PREX2: variants seen among roughly 807,000 people sequenced by gnomAD.
The protein encoded by PREX2 is phosphatidylinositol-3,4,5-trisphosphate dependent Rac exchange factor 2, also known as phosphatidylinositol 3,4,5-trisphosphate-dependent Rac exchanger 2 protein.
In PREX2, 107 loss-of-function variants were observed where a neutral mutation model predicts 203.2. That is an observed-to-expected ratio of 0.53 (90% CI 0.45 to 0.62). PREX2 has a LOEUF of 0.62. Among genes scored for constraint, PREX2 ranks in the 20% least tolerant of loss-of-function variants. PREX2 has a pLI of 0.00. For missense variants in PREX2, 1,777 were observed against 1,955.9 expected (o/e 0.91, Z 1.72); for synonymous variants, 672 against 663.6 (o/e 1.01, Z -0.19).
intron 11 of PREX2, among the ~76,000 whole-genome samples, chr8:68,063,451 T>C (rs1434766450): frequency 6.6e-6 from 1 of 152,058 alleles, no homozygotes; most frequent in African/African-American, 2.4e-5. Context: ...GAGCCATGCA[T>C]TAAGGATGGC....
chr8:68,232,538 G>A lies in PREX2; in HGVS notation c.*1160G>A, dbSNP rs545639202. ...CATAATTTTCAAACAAAACACTCAT[G>A]ATTGTGATAATTATATGGGTTTACA... On this transcript the variant is annotated 3_prime_UTR_variant, in exon 40 of 40. Transcript: ENST00000288368. The A allele has an allele frequency of 3.4e-4, 52 of 152,232 alleles. No individual in the cohort carries two copies. The highest frequency in any genetic ancestry group is 6.8e-3 in the Middle Eastern group (2 of 294). The allele number at this position is 152,232 out of a possible 1,614,324, so 9.4% of individuals were successfully genotyped here.
At chr8:68,195,777 C>T (rs1812382433) in intron 37 of PREX2, among the ~76,000 whole-genome samples, 1 of 152,146 alleles carries the variant, frequency 6.6e-6, no homozygotes, top group African/African-American at 2.4e-5. Flanking sequence ...AAAAAGTCAA[C>T]AATGTGGTAT....
rs184330434 is a variant in PREX2 at position 68,021,846 on chromosome 8, T to C, written c.337-190T>C. Among the ~76,000 whole-genome samples the C allele has an allele frequency of 9.8e-5, 15 of 152,332 alleles. No individual in the cohort carries two copies. In the East Asian group the frequency reaches 2.5e-3, roughly 25 times the overall value. On this transcript the variant is annotated intron_variant, in intron 3 of 39. Coordinates refer to ENST00000288368, the MANE Select transcript of PREX2 (RefSeq NM_024870.4). ...CACAATGGAGTATAACTGATATACGTCTATCTCCCTTTTTAGGCTGTTCTT... is the reference window on the plus strand; with the variant it reads ...CACAATGGAGTATAACTGATATACGCCTATCTCCCTTTTTAGGCTGTTCTT...
chr8:68,162,193 A>G (rs1403981990), intron 35 of PREX2, among the ~76,000 whole-genome samples: 1 of 152,104 alleles, frequency 6.6e-6, no homozygotes, highest in African/African-American at 2.4e-5. Context: ...GTTTTAACCT[A>G]GTCACTAATT....
At chr8:68,226,202 A>G (rs1813053686) in intron 39 of PREX2, among the ~76,000 whole-genome samples, 1 of 152,198 alleles carries the variant, frequency 6.6e-6, no homozygotes, top group Non-Finnish European at 1.5e-5. Context: ...GCAAATATTT[A>G]TTGAGGACCT....
intron 11 of PREX2, among the ~76,000 whole-genome samples, chr8:68,061,439 C>T (rs1808848199): frequency 6.6e-6 from 1 of 152,150 alleles, no homozygotes; most frequent in African/African-American, 2.4e-5. Context: ...CAGCACGGAG[C>T]CTGAAGTGGA....
intron 8 of PREX2, among the ~76,000 whole-genome samples, chr8:68,046,559 G>GACCTT (rs1163593472): frequency 6.6e-6 from 1 of 152,128 alleles, no homozygotes; most frequent in East Asian, 1.9e-4. Flanking sequence ...CAGGGCCTAA[G>GACCTT]ACCTTGTTGT....
intron 33 of PREX2, among the ~76,000 whole-genome samples, chr8:68,140,517 A>C (rs1359254297): frequency 2.0e-5 from 3 of 152,212 alleles, no homozygotes; most frequent in African/African-American, 7.2e-5. Context: ...TCTGTTACTT[A>C]GATGTGGAGA....
At chr8:68,035,996 A>C (rs530408347) in intron 6 of PREX2, among the ~76,000 whole-genome samples, 2 of 152,252 alleles carry the variant, frequency 1.3e-5, no homozygotes, top group Admixed American at 6.5e-5. Context: ...GACTAAACTG[A>C]TGGTTTGGGT....
At position 68,120,264 on chromosome 8, in the gene PREX2, C is replaced by G; in HGVS notation, c.3573C>G (p.Leu1191=). The change falls in exon 29 of 40, where the codon CTC becomes CTG. Residue 1191 remains leucine, a synonymous_variant. Transcript: ENST00000288368. Reference sequence around the variant, plus strand: ...GGGCCTTTGACCAAACCAAGTATCTCACTCCAGGCCGAGGATTGCAAGGTA... The same window carrying G: ...GGGCCTTTGACCAAACCAAGTATCTGACTCCAGGCCGAGGATTGCAAGGTA... The part of the protein sequence containing the change: ...VVRAFDQTKY[L]TPGRGLQEFQ... 1 of 1,613,528 alleles carries G rather than the reference C, an allele frequency of 6.2e-7. No individual in the cohort carries two copies.
chr8:68,097,202 G>A lies in PREX2; in HGVS notation c.2553+1G>A, dbSNP rs1384485365. The stretch of plus-strand genomic sequence containing the variant: ...AGGTTTCTTCAGCTTAACTGCCAAG[G>A]TAGGAGCGATGCTGAAGAAATAAGA... On this transcript the variant is annotated splice_donor_variant, in intron 22 of 39. Coordinates refer to ENST00000288368, the MANE Select transcript of PREX2 (RefSeq NM_024870.4). LOFTEE classifies it high-confidence loss of function. 2.5e-6 allele frequency: 4 copies of A among 1,608,026 alleles called. No homozygotes were observed. Among genetic ancestry groups the A allele is most frequent in the Non-Finnish European group, 3.4e-6 (4 of 1,175,974 alleles).
At chr8:68,006,702 T>C (rs1476981916) in intron 1 of PREX2, among the ~76,000 whole-genome samples, 2 of 152,224 alleles carry the variant, frequency 1.3e-5, no homozygotes, top group Admixed American at 1.3e-4. Flanking sequence ...GCTCTGCAAA[T>C]AATTGCCCTA....
intron 23 of PREX2, among the ~76,000 whole-genome samples, chr8:68,100,606 A>G (rs12547259): frequency 0.46 from 69,762 of 152,042 alleles, 16,485 homozygotes; most frequent in African/African-American, 0.57. Flanking sequence ...CTGGTACTGA[A>G]GCCCCAAAGC....
intron 6 of PREX2, among the ~76,000 whole-genome samples, chr8:68,031,174 A>T (rs532306056): frequency 1.3e-5 from 2 of 152,272 alleles, no homozygotes; most frequent in East Asian, 3.9e-4. Flanking sequence ...CACTAAGGAA[A>T]TTTTTTTATG....
intron 39 of PREX2, among the ~76,000 whole-genome samples, chr8:68,229,950 G>C (rs1047275233): frequency 7.9e-5 from 12 of 152,212 alleles, no homozygotes; most frequent in African/African-American, 2.9e-4. Flanking sequence ...CGGGTCAATT[G>C]AATGTATTCT....
At chr8:68,101,641 A>C (rs1810267145) in intron 23 of PREX2, among the ~76,000 whole-genome samples, 1 of 152,250 alleles carries the variant, frequency 6.6e-6, no homozygotes, top group Non-Finnish European at 1.5e-5. Context: ...AAAATGCTAA[A>C]CAAATGCAAA....
At chr8:68,115,676 T>C in intron 25 of PREX2, 77 bp from the exon 26 acceptor site, 3 of 937,772 alleles carry the variant, frequency 3.2e-6, no homozygotes, top group Non-Finnish European at 4.7e-6. Flanking sequence ...TGTAAGCCTA[T>C]TGTATTCAGC....
chr8:68,118,751 T>C (rs1810709414), intron 27 of PREX2, 107 bp downstream of exon 27: 1 of 844,318 alleles, frequency 1.2e-6, no homozygotes, highest in Non-Finnish European at 2.1e-6. Context: ...TTTTACCTTT[T>C]ATCAGTCACT....
chr8:68,027,080 T>G lies in PREX2; in HGVS notation c.442-142T>G, dbSNP rs528910600. On this transcript the variant is annotated intron_variant, in intron 4 of 39. Transcript: ENST00000288368. ...TTCTCTTTGTCTCTCTGTGAGTGTT[T>G]GTGACTGAATATGCTCTTCTTAGAG... The G allele has an allele frequency of 9.3e-5, 62 of 663,832 alleles. No individual in the cohort carries two copies. The African/African-American group carries it at 1.0e-3, about 11-fold the overall frequency. The allele number at this position is 663,832 out of a possible 1,614,324, so 41.1% of individuals were successfully genotyped here. A position where few individuals can be genotyped will look rare whatever the true frequency, so the allele number is the denominator to read the frequency against.
Sources: allele counts gnomAD v4.1 joint callset (sites outside exome capture counted in the v4.1 genomes callset), GRCh38; gene constraint gnomAD v4.1.1; transcripts MANE v1.5; gene names NCBI Gene and HGNC (gene_info 2026-07-23, HGNC 2026-07-21).